RREB1: variants seen among roughly 807,000 people sequenced by gnomAD.
RREB1 encodes ras-responsive element-binding protein 1.
Under a neutral mutation model 117.8 loss-of-function variants are expected in RREB1, and 27 were observed. The observed-to-expected ratio is 0.23, with a 90% confidence interval of 0.17 to 0.32. The LOEUF (loss-of-function observed/expected upper bound fraction) is 0.32. Ranked by LOEUF, RREB1 falls within the 10% of genes least tolerant of loss-of-function variation. RREB1 has a pLI of 1.00. For synonymous variants in RREB1, 1,298 were observed against 1,026.7 expected, an observed-to-expected ratio of 1.26 and a Z score of -5.05; for missense variants, 2,577 against 2,378.2, an observed-to-expected ratio of 1.08 and a Z score of -1.74.
chr6:7,161,056 C>G (rs1410380182), intron 1 of RREB1, among the ~76,000 whole-genome samples: 1 of 152,148 alleles, frequency 6.6e-6, no homozygotes, highest in East Asian at 1.9e-4. Context: ...ATCTCGAACT[C>G]TAGGGCCAAA....
At chr6:7,159,106 T>C (rs1359892990) in intron 1 of RREB1, among the ~76,000 whole-genome samples, 1 of 152,186 alleles carries the variant, frequency 6.6e-6, no homozygotes, top group East Asian at 1.9e-4. Flanking sequence ...GTTCAGTGCA[T>C]AGGGGGACTC....
intron 8 of RREB1, among the ~76,000 whole-genome samples, chr6:7,224,636 A>G (rs948560527): frequency 4.6e-5 from 7 of 152,136 alleles, no homozygotes; most frequent in Non-Finnish European, 8.8e-5. Flanking sequence ...TTTCAGCCAG[A>G]AAGAACCTCA....
chr6:7,123,913 A>C (rs942875229), intron 1 of RREB1, among the ~76,000 whole-genome samples: 2 of 152,080 alleles, frequency 1.3e-5, no homozygotes, highest in African/African-American at 2.4e-5. Context: ...GCCCGGCCTC[A>C]TGTGATGTGT....
At chr6:7,168,264 A>AAC (rs1186209600) in intron 1 of RREB1, among the ~76,000 whole-genome samples, 2 of 151,784 alleles carry the variant, frequency 1.3e-5, no homozygotes, top group Non-Finnish European at 2.9e-5. Flanking sequence ...GAAAAAAAAA[A>AAC]AAAAAAAAAA....
intron 1 of RREB1, among the ~76,000 whole-genome samples, chr6:7,167,410 A>G (rs907590185): frequency 2.6e-4 from 38 of 147,686 alleles, no homozygotes; most frequent in African/African-American, 8.8e-4. Flanking sequence ...CTGGAGTGCA[A>G]TGGCACTATC....
intron 8 of RREB1, chr6:7,212,722 C>T (rs1276835939): frequency 1.3e-5 from 2 of 151,974 alleles, no homozygotes; most frequent in Non-Finnish European, 2.9e-5. Flanking sequence ...TGCCTGAATC[C>T]CTGATATATG....
chr6:7,238,947 G>T (rs1004542716), intron 10 of RREB1, among the ~76,000 whole-genome samples: 3 of 152,202 alleles, frequency 2.0e-5, no homozygotes, highest in African/African-American at 4.8e-5. Context: ...GCGGTGCCAG[G>T]TCCACACCTT....
chr6:7,232,767 T>C (rs964788857), intron 10 of RREB1, among the ~76,000 whole-genome samples: 9 of 150,166 alleles, frequency 6.0e-5, no homozygotes, highest in Non-Finnish European at 8.9e-5. Context: ...CTTTTTCTTT[T>C]TTTTTTTTTT....
At chr6:7,137,291 TTATAGACTCGGG>T (rs1418748173) in intron 1 of RREB1, among the ~76,000 whole-genome samples, 4 of 152,164 alleles carry the variant, frequency 2.6e-5, no homozygotes, top group Non-Finnish European at 5.9e-5. Context: ...AGGAGCTGCC[TTATAGACTCGGG>T]TACAGGGAGG....
At chr6:7,111,229 T>A (rs1180044016) in intron 1 of RREB1, among the ~76,000 whole-genome samples, 3 of 152,252 alleles carry the variant, frequency 2.0e-5, no homozygotes, top group Admixed American at 1.3e-4. Flanking sequence ...TCTTCAATTT[T>A]GAACTGTTGC....
chr6:7,115,525 A>G (rs1452349982), intron 1 of RREB1, among the ~76,000 whole-genome samples: 2 of 152,100 alleles, frequency 1.3e-5, no homozygotes, highest in Non-Finnish European at 1.5e-5. Flanking sequence ...ATACTTGAAG[A>G]TAGCTCTTTT....
chr6:7,148,193 T>C (rs1411873808), intron 1 of RREB1, among the ~76,000 whole-genome samples: 2 of 152,196 alleles, frequency 1.3e-5, no homozygotes, highest in Admixed American at 6.5e-5. Context: ...TTGATTCCCA[T>C]TGATCCTTTA....
intron 1 of RREB1, among the ~76,000 whole-genome samples, chr6:7,149,317 C>T (rs1763011036): frequency 6.6e-6 from 1 of 152,092 alleles, no homozygotes; most frequent in African/African-American, 2.4e-5. Flanking sequence ...TACCAAAGAT[C>T]CCTAGGTACC....
At chr6:7,206,229 C>T (rs753142137) in intron 6 of RREB1, among the ~76,000 whole-genome samples, 5 of 152,180 alleles carry the variant, frequency 3.3e-5, no homozygotes, top group Non-Finnish European at 7.3e-5. Context: ...AATTCCAATA[C>T]GAAAACATTA....
rs889649885 is a variant in RREB1, at chr6:7,251,437, AATATAT to A, written c.*2476_*2481del. On this transcript the variant is annotated 3_prime_UTR_variant, in exon 13 of 13. Coordinates refer to ENST00000379938, the MANE Select transcript of RREB1 (RefSeq NM_001003699.4). The stretch of plus-strand genomic sequence containing the variant: ...CCTTCTCTCAGGGCTTTTACAAAAA[AATATAT>A]ATATATGGATCTTCTGAAAAGTTTT... The A allele has an allele frequency of 1.3e-5, 2 of 151,232 alleles. No individual in the cohort carries two copies. Among genetic ancestry groups the A allele is most frequent in the Non-Finnish European group, 2.9e-5 (2 of 67,908 alleles). 9.4% of individuals were successfully genotyped at this position (151,232 alleles called of 1,614,324 possible).
intron 8 of RREB1, 31 bp downstream of exon 8, chr6:7,211,740 A>T (rs745427014): frequency 6.2e-7 from 1 of 1,611,484 alleles, no homozygotes; most frequent in Non-Finnish European, 8.5e-7. Flanking sequence ...GACCTTGTTC[A>T]TTCCTGTTTC....
At chr6:7,124,199 T>C (rs1463170096) in intron 1 of RREB1, among the ~76,000 whole-genome samples, 1 of 152,210 alleles carries the variant, frequency 6.6e-6, no homozygotes, top group African/African-American at 2.4e-5. Context: ...CTGTGTGTTC[T>C]GAGGCTTGCT....
chr6:7,158,723 T>C (rs1384040217), intron 1 of RREB1, among the ~76,000 whole-genome samples: 3 of 152,232 alleles, frequency 2.0e-5, no homozygotes, highest in Non-Finnish European at 4.4e-5. Context: ...CCCAACCTAG[T>C]AGTGGATCAG....
At chr6:7,190,501 A>G (rs1765346704) in intron 6 of RREB1, among the ~76,000 whole-genome samples, 1 of 152,214 alleles carries the variant, frequency 6.6e-6, no homozygotes, top group Admixed American at 6.5e-5. Flanking sequence ...AAACTCTTAG[A>G]AGTGAGGTAT....
Sources: gnomAD v4.1 joint callset for allele counts (sites outside exome capture counted in the v4.1 genomes callset) on GRCh38, gnomAD v4.1.1 for gene constraint, MANE v1.5 for transcripts, NCBI Gene and HGNC (gene_info 2026-07-23, HGNC 2026-07-21) for gene names.